Variants in WDR7 observed in about 807,000 individuals in gnomAD.
WDR7 encodes the protein WD repeat-containing protein 7.
In WDR7, 46 loss-of-function variants were observed where a neutral mutation model predicts 169.4. The observed-to-expected ratio is 0.27, with a 90% CI of 0.21 to 0.35. The LOEUF is 0.35. WDR7 is among the 10% of genes least tolerant of loss of function. WDR7 has a pLI of 1.00. For missense variants in WDR7, 1,534 were observed against 1,859.3 expected (o/e 0.83, Z 3.22); for synonymous variants, 612 against 666.8 (o/e 0.92, Z 1.27).
intron 26 of WDR7, among the ~76,000 whole-genome samples, chr18:56,990,002 A>G (rs1003278969): frequency 5.3e-5 from 8 of 152,242 alleles, no homozygotes; most frequent in African/African-American, 1.9e-4. Context: ...TTAAGTGGAA[A>G]GTTAACACTT....
At chr18:56,798,266 A>T (rs753864676) in intron 19 of WDR7, among the ~76,000 whole-genome samples, 2 of 152,134 alleles carry the variant, frequency 1.3e-5, no homozygotes, top group Non-Finnish European at 2.9e-5. Context: ...GGGCAGAGGG[A>T]GTTGACTTTC....
At chr18:56,932,771 T>C (rs963644111) in intron 22 of WDR7, among the ~76,000 whole-genome samples, 2 of 152,116 alleles carry the variant, frequency 1.3e-5, no homozygotes, top group African/African-American at 4.8e-5. Flanking sequence ...AGCATAAGGG[T>C]AAGGGGAAAC....
At position 56,651,375 on chromosome 18, in the gene WDR7, T is replaced by TGGCGGC. The variant is rs150700087; in HGVS notation, c.-211_-206dup. ...GCTGGTGTCAGCTGATTTACTGCAG[T>TGGCGGC]GGCGGCGGCGGCGGCACCGGCACCT... is the stretch of plus-strand genomic sequence containing the variant. On this transcript the variant is annotated 5_prime_UTR_variant, in exon 1 of 28. Transcript: ENST00000254442. 35,655 of 153,110 alleles carry TGGCGGC rather than the reference T, an allele frequency of 0.23. 6,425 individuals are homozygous for TGGCGGC. Among genetic ancestry groups the TGGCGGC allele is most frequent in the African/African-American group, 0.52 (21,299 of 41,196 alleles). The allele number at this position is 153,110 out of a possible 1,614,324, so 9.5% of individuals were successfully genotyped here. A position where few individuals can be genotyped will look rare whatever the true frequency, so the allele number is the denominator to read the frequency against.
At chr18:56,824,007 C>G (rs963559715) in intron 20 of WDR7, among the ~76,000 whole-genome samples, 6 of 152,214 alleles carry the variant, frequency 3.9e-5, no homozygotes, top group African/African-American at 1.4e-4. Flanking sequence ...TACTTAATGA[C>G]TTCCCATTGA....
At chr18:56,853,325 C>T (rs1001652664) in intron 20 of WDR7, among the ~76,000 whole-genome samples, 2 of 152,002 alleles carry the variant, frequency 1.3e-5, no homozygotes. Context: ...CTCACTTAGT[C>T]GTATATCATA....
intron 15 of WDR7, among the ~76,000 whole-genome samples, chr18:56,757,849 G>A (rs911217209): frequency 8.6e-5 from 13 of 151,932 alleles, no homozygotes; most frequent in African/African-American, 3.1e-4. Context: ...CATGCATGTA[G>A]TCCCAGCTAC....
In WDR7 at chr18:56,697,952, G is replaced by A. The variant is rs185621760; in HGVS notation, c.1578+1490G>A. ...CTCAAGCCTGTAATCCCAGCACTTTGGGAGGCTGAGGCAGGCGTATCACCT... is the reference window on the plus strand; with the variant it reads ...CTCAAGCCTGTAATCCCAGCACTTTAGGAGGCTGAGGCAGGCGTATCACCT... On this transcript the variant is annotated intron_variant, in intron 12 of 27. Coordinates refer to ENST00000254442, the MANE Select transcript of WDR7 (RefSeq NM_015285.3). Among the ~76,000 whole-genome samples the A allele has an allele frequency of 3.3e-3, 496 of 152,230 alleles. 1 individual carries two copies. Among genetic ancestry groups the A allele is most frequent in the Non-Finnish European group, 5.6e-3 (382 of 68,010 alleles).
chr18:57,031,435 A>G (rs2048440841), downstream of WDR7: 1 of 152,214 alleles, frequency 6.6e-6, no homozygotes, highest in Non-Finnish European at 1.5e-5. Flanking sequence ...GTGGATATAG[A>G]TTCTTTGCTT....
At chr18:56,727,695 G>C (rs1290159477) in intron 13 of WDR7, among the ~76,000 whole-genome samples, 1 of 152,144 alleles carries the variant, frequency 6.6e-6, no homozygotes, top group African/African-American at 2.4e-5. Context: ...GGTGAGATTT[G>C]GGTGGTGACT....
chr18:56,939,367 T>C lies in WDR7; in HGVS notation c.4038T>C (p.Leu1346=). The stretch of plus-strand genomic sequence containing the variant: ...GATCTTTAGTTAAAAAGAAAGGTCT[T>C]CAAGAATGTTTCCCAGCCATCTGCA... The part of the protein sequence containing the change: ...LEGSLVKKKG[L]QECFPAICRF... Residue 1346 remains leucine, a synonymous_variant, in exon 25 of 28, where the codon CTT becomes CTC. Transcript: ENST00000254442. 6.3e-7 allele frequency: 1 copy of C among 1,577,606 alleles called. No individual in the cohort carries two copies.
At chr18:56,885,532 C>T (rs1051641821) in intron 21 of WDR7, among the ~76,000 whole-genome samples, 5 of 151,758 alleles carry the variant, frequency 3.3e-5, no homozygotes, top group Non-Finnish European at 7.4e-5. Flanking sequence ...GAAGAAAGAA[C>T]TTCAGAACTC....
chr18:56,946,484 G>A (rs77736734), intron 25 of WDR7, among the ~76,000 whole-genome samples: 8,281 of 152,188 alleles, frequency 0.054, 721 homozygotes, highest in African/African-American at 0.19. Flanking sequence ...TGTTTTTCTC[G>A]TATAACCGGT....
At chr18:56,997,412 G>C (rs1372408719) in intron 26 of WDR7, among the ~76,000 whole-genome samples, 1 of 152,092 alleles carries the variant, frequency 6.6e-6, no homozygotes, top group African/African-American at 2.4e-5. Context: ...GTAAGGTTGG[G>C]TATTAATGAC....
At chr18:56,935,737 A>G (rs760712034) in intron 22 of WDR7, 51 bp from the exon 23 acceptor site, 28 of 1,546,468 alleles carry the variant, frequency 1.8e-5, no homozygotes, top group East Asian at 2.2e-5. Flanking sequence ...TTTTCAGTCC[A>G]TATTTCTAAT....
chr18:56,923,685 G>A (rs564535347), intron 21 of WDR7, among the ~76,000 whole-genome samples: 5 of 152,222 alleles, frequency 3.3e-5, no homozygotes, highest in East Asian at 3.9e-4. Context: ...ACTCATTTAC[G>A]TACAATATGT....
At chr18:56,841,147 C>A (rs1296146114) in intron 20 of WDR7, among the ~76,000 whole-genome samples, 1 of 151,322 alleles carries the variant, frequency 6.6e-6, no homozygotes, top group African/African-American at 2.4e-5. Flanking sequence ...GAGCTGAGAT[C>A]GCACCACCGC....
intron 20 of WDR7, chr18:56,873,442 G>A (rs2045980267): frequency 6.6e-6 from 1 of 152,184 alleles, no homozygotes; most frequent in African/African-American, 2.4e-5. Flanking sequence ...CCCCTGGAGT[G>A]GGAGTTAAGA....
intron 16 of WDR7, among the ~76,000 whole-genome samples, chr18:56,773,358 A>G (rs1354136702): frequency 6.6e-6 from 1 of 151,600 alleles, no homozygotes. Context: ...TTTTTTTATC[A>G]TTCATTACTA....
intron 5 of WDR7, among the ~76,000 whole-genome samples, chr18:56,685,411 A>G (rs1475058126): frequency 2.0e-5 from 3 of 152,150 alleles, no homozygotes; most frequent in Non-Finnish European, 2.9e-5. Flanking sequence ...CTGCTTTCCA[A>G]TGCTCATCCT....
Sources: allele counts gnomAD v4.1 joint callset (sites outside exome capture counted in the v4.1 genomes callset), GRCh38; gene constraint gnomAD v4.1.1; transcripts MANE v1.5; gene names NCBI Gene and HGNC (gene_info 2026-07-23, HGNC 2026-07-21).